RASSF9: variants seen among roughly 807,000 people sequenced by gnomAD.
RASSF9 encodes the protein Ras association domain family member 9.
A neutral mutation model predicts 21.4 loss-of-function variants in RASSF9; 18 were observed. The ratio of observed to expected loss-of-function variants is 0.84; its 90% confidence interval spans 0.58 to 1.25. RASSF9 has a LOEUF of 1.25. RASSF9 is among the 50% of genes most tolerant of loss of function. The pLI, the probability that RASSF9 is intolerant of heterozygous loss-of-function variation, is 0.00. For missense variants in RASSF9, 480 were observed against 503.2 expected (o/e 0.95, Z 0.44); for synonymous variants, 183 against 179.1 (o/e 1.02, Z -0.18).
At chr12:85,827,944 T>A (rs527728985) in intron 1 of RASSF9, among the ~76,000 whole-genome samples, 1 of 152,348 alleles carries the variant, frequency 6.6e-6, no homozygotes, top group East Asian at 1.9e-4. Context: ...ATTATCTTTC[T>A]CATTACTTTA....
intron 1 of RASSF9, among the ~76,000 whole-genome samples, chr12:85,820,709 A>G (rs574712572): frequency 2.0e-5 from 3 of 152,220 alleles, no homozygotes; most frequent in South Asian, 2.1e-4. Context: ...TACATAAAAC[A>G]TTAAAAAATT....
intron 1 of RASSF9, among the ~76,000 whole-genome samples, chr12:85,826,241 C>T (rs1880329916): frequency 6.6e-6 from 1 of 152,176 alleles, no homozygotes; most frequent in African/African-American, 2.4e-5. Flanking sequence ...TGATGACACA[C>T]ATGTATCTCC....
chr12:85,819,243 C>T (rs947548899), intron 1 of RASSF9, among the ~76,000 whole-genome samples: 6 of 151,346 alleles, frequency 4.0e-5, no homozygotes, highest in African/African-American at 1.5e-4. Context: ...GACAGGGTCT[C>T]ACTATGTTGC....
Position 85,805,333 on chromosome 12 carries a change from T to G in RASSF9, c.677A>C (p.Asp226Ala), listed in dbSNP as rs1879798373. Residue 226 changes from aspartate to alanine, a missense_variant, in exon 2 of 2, where the codon GAT becomes GCT. Asp to Ala is a moderately radical substitution (Grantham distance 126). Transcript: ENST00000361228. ...TGCATCCTGAACATAGTTTTCTCCATCATTTTCTACTCGATCAAGATGGAA... is the reference window on the plus strand; with the variant it reads ...TGCATCCTGAACATAGTTTTCTCCAGCATTTTCTACTCGATCAAGATGGAA... ...AKFHLDRVEN[D>A]GENYVQDAYL... 6.2e-7 allele frequency: 1 copy of G among 1,613,590 alleles called. No homozygotes were observed. The highest frequency in any genetic ancestry group is 1.6e-4 in the Middle Eastern group (1 of 6,062).
chr12:85,836,039 T>C (rs1253324017), intron 1 of RASSF9, 116 bp downstream of exon 1: 5 of 1,526,446 alleles, frequency 3.3e-6, no homozygotes, highest in Non-Finnish European at 4.4e-6. Context: ...AGCCTTTTTT[T>C]ATCAGAATCT....
chr12:85,811,430 T>A (rs181726681), intron 1 of RASSF9, among the ~76,000 whole-genome samples: 52 of 151,970 alleles, frequency 3.4e-4, no homozygotes, highest in African/African-American at 1.2e-3. Flanking sequence ...CAAGTGTAGG[T>A]TAGTTTAAAT....
rs1393221009 is a variant in RASSF9, at chr12:85,806,055, C to T, written c.48-93G>A. The T allele has an allele frequency of 6.6e-6, 9 of 1,373,082 alleles. No homozygotes were observed. In the East Asian group the frequency reaches 1.4e-4, roughly 22 times the overall value. 85.1% of individuals were successfully genotyped at this position (1,373,082 alleles called of 1,614,324 possible). On this transcript the variant is annotated intron_variant, in intron 1 of 1. Transcript: ENST00000361228. ...CATTAGTATGCTTTCTAGATTTTTACCCTTAATGAGAGAGGCATTTTTTTT... is the reference window on the plus strand; with the variant it reads ...CATTAGTATGCTTTCTAGATTTTTATCCTTAATGAGAGAGGCATTTTTTTT...
In RASSF9 at chr12:85,805,321, T is replaced by C; in HGVS notation, c.689A>G (p.Tyr230Cys). The C allele has an allele frequency of 6.2e-7, 1 of 1,613,588 alleles. No individual in the cohort carries two copies. The highest frequency in any genetic ancestry group is 2.2e-5 in the East Asian group (1 of 44,874). ...LDRVENDGENYVQDAYLMPSF... is the reference protein window; with the variant it reads ...LDRVENDGENCVQDAYLMPSF... ...GGGCATTAAATATGCATCCTGAACA[T>C]AGTTTTCTCCATCATTTTCTACTCG... The change falls in exon 2 of 2, where the codon TAT (tyrosine) becomes TGT (cysteine). Residue 230 changes from tyrosine to cysteine, a missense_variant. Transcript: ENST00000361228.
rs1369347245 is a variant in RASSF9 at position 85,802,111 on chromosome 12, A to G, written c.*2591T>C. The G allele has an allele frequency of 1.3e-5, 2 of 152,224 alleles. No individual in the cohort carries two copies. The highest frequency in any genetic ancestry group is 4.8e-5 in the African/African-American group (2 of 41,470). 9.4% of individuals were successfully genotyped at this position (152,224 alleles called of 1,614,324 possible). On this transcript the variant is annotated 3_prime_UTR_variant, in exon 2 of 2. Transcript: ENST00000361228. ...AGGTCCTGTTACAGAAATTAAGAATAGTCAGCTTTGGTTTGTTTCTTCTAG... is the reference window on the plus strand; with the variant it reads ...AGGTCCTGTTACAGAAATTAAGAATGGTCAGCTTTGGTTTGTTTCTTCTAG...
At chr12:85,828,156 A>G (rs1880373487) in intron 1 of RASSF9, among the ~76,000 whole-genome samples, 1 of 152,062 alleles carries the variant, frequency 6.6e-6, no homozygotes, top group African/African-American at 2.4e-5. Flanking sequence ...TCACAATATA[A>G]CTCGATATAA....
At chr12:85,813,993 T>C (rs1175585941) in intron 1 of RASSF9, among the ~76,000 whole-genome samples, 1 of 152,026 alleles carries the variant, frequency 6.6e-6, no homozygotes, top group Non-Finnish European at 1.5e-5. Flanking sequence ...AGGGAAATGC[T>C]TTTATTGCTT....
chr12:85,805,644 TG>T lies in RASSF9; in HGVS notation c.365del (p.Pro122GlnfsTer12). The T allele has an allele frequency of 1.2e-6, 2 of 1,614,022 alleles. No individual in the cohort carries two copies. Among genetic ancestry groups the T allele is most frequent in the Non-Finnish European group, 1.7e-6 (2 of 1,179,898 alleles). ...FVLVKADAFL[P>X]VPLWRTAEAK... ...CTTCAGCTGTCCGCCACAAAGGAAC[TG>T]GAAGAAAAGCATCTGCTTTAACCAA... On this transcript the variant is annotated frameshift_variant, in exon 2 of 2. Coordinates refer to ENST00000361228, the MANE Select transcript of RASSF9 (RefSeq NM_005447.4). LOFTEE classifies it high-confidence loss of function.
chr12:85,818,823 G>A (rs919734083), intron 1 of RASSF9, among the ~76,000 whole-genome samples: 1 of 152,034 alleles, frequency 6.6e-6, no homozygotes, highest in Non-Finnish European at 1.5e-5. Context: ...GCCGGGCGTG[G>A]TGGCGGGCGC....
intron 1 of RASSF9, among the ~76,000 whole-genome samples, chr12:85,819,755 A>T (rs764326089): frequency 2.0e-5 from 3 of 152,230 alleles, no homozygotes; most frequent in Non-Finnish European, 1.5e-5. Context: ...TATAATGACT[A>T]GTTCCCTGTC....
chr12:85,817,868 T>C (rs558540077), intron 1 of RASSF9, among the ~76,000 whole-genome samples: 2 of 152,256 alleles, frequency 1.3e-5, no homozygotes, highest in Admixed American at 1.3e-4. Context: ...TACTATACAA[T>C]TTCAGAGAAG....
chr12:85,832,628 T>C (rs1880475184), intron 1 of RASSF9, among the ~76,000 whole-genome samples: 1 of 151,930 alleles, frequency 6.6e-6, no homozygotes. Flanking sequence ...TTTACTACTT[T>C]AGCTTTTATG....
At position 85,801,478 on chromosome 12, in the gene RASSF9, G is replaced by A. The variant is rs1386094098; in HGVS notation, c.*3224C>T. The A allele has an allele frequency of 6.6e-6, 1 of 152,146 alleles. No homozygotes were observed. Among genetic ancestry groups the A allele is most frequent in the African/African-American group, 2.4e-5 (1 of 41,430 alleles). The allele number at this position is 152,146 out of a possible 1,614,324, so 9.4% of individuals were successfully genotyped here. A position where few individuals can be genotyped will look rare whatever the true frequency, so the allele number is the denominator to read the frequency against. On this transcript the variant is annotated 3_prime_UTR_variant, in exon 2 of 2. Coordinates refer to ENST00000361228, the MANE Select transcript of RASSF9 (RefSeq NM_005447.4). ...GAGCAGGGGGCAAAGAAGTTAATAG[G>A]AAAGAGTAAGGCTAACAAGACAGAT...
In RASSF9 at chr12:85,804,494, T is replaced by C. The variant is rs1272351438; in HGVS notation, c.*208A>G. 1 of 487,460 alleles carries C rather than the reference T, an allele frequency of 2.1e-6. No individual in the cohort carries two copies. Among genetic ancestry groups the C allele is most frequent in the East Asian group, 3.2e-5 (1 of 31,526 alleles). 30.2% of individuals were successfully genotyped at this position (487,460 alleles called of 1,614,324 possible). On this transcript the variant is annotated 3_prime_UTR_variant, in exon 2 of 2. Coordinates refer to ENST00000361228, the MANE Select transcript of RASSF9 (RefSeq NM_005447.4). ...CGACAAGCTATTTGTGCTGCATTCG[T>C]GATAAATAGTTCATTGCTTGAACTT...
intron 1 of RASSF9, among the ~76,000 whole-genome samples, chr12:85,810,006 A>C (rs978627130): frequency 2.0e-5 from 3 of 151,886 alleles, no homozygotes; most frequent in Non-Finnish European, 4.4e-5. Flanking sequence ...CTATTTCTCA[A>C]TATTTCGGGG....
Sources: gnomAD v4.1 joint callset for allele counts (sites outside exome capture counted in the v4.1 genomes callset) on GRCh38, gnomAD v4.1.1 for gene constraint, MANE v1.5 for transcripts, NCBI Gene and HGNC (gene_info 2026-07-23, HGNC 2026-07-21) for gene names.